Variants in TMTC2 observed in about 807,000 individuals in gnomAD.
TMTC2 encodes the protein protein O-mannosyl-transferase TMTC2.
In TMTC2, 43 loss-of-function variants were observed where a neutral mutation model predicts 82.4. The observed-to-expected ratio is 0.52, with a 90% CI of 0.41 to 0.67. TMTC2 has a LOEUF of 0.67. Ranked by LOEUF, TMTC2 falls within the 30% of genes least tolerant of loss-of-function variation. The pLI, the probability that TMTC2 is intolerant of heterozygous loss-of-function variation, is 0.00. For missense variants in TMTC2, 919 were observed against 1,012.4 expected, an observed-to-expected ratio of 0.91 and a Z score of 1.25; for synonymous variants, 408 against 381.9, an observed-to-expected ratio of 1.07 and a Z score of -0.80.
intron 1 of TMTC2, among the ~76,000 whole-genome samples, chr12:82,747,612 G>A (rs977631649): frequency 6.6e-6 from 1 of 152,176 alleles, no homozygotes; most frequent in Non-Finnish European, 1.5e-5. Flanking sequence ...GGAATTGAGT[G>A]CATTGCTTTG....
At chr12:82,940,631 G>T (rs1876667240) in intron 4 of TMTC2, among the ~76,000 whole-genome samples, 1 of 151,060 alleles carries the variant, frequency 6.6e-6, no homozygotes, top group Admixed American at 6.6e-5. Context: ...CTCTGGTGGG[G>T]CCTCTGCACA....
intron 1 of TMTC2, among the ~76,000 whole-genome samples, chr12:82,841,323 A>T (rs1179403969): frequency 6.6e-6 from 1 of 152,188 alleles, no homozygotes; most frequent in East Asian, 1.9e-4. Context: ...AAAGTACTAC[A>T]GTATATATTA....
rs187159469 is a variant in TMTC2, at chr12:82,915,118, C to T, written c.1484-15313C>T. Among the ~76,000 whole-genome samples the T allele has an allele frequency of 3.1e-3, 470 of 152,284 alleles. 3 individuals are homozygous for T. Among genetic ancestry groups the T allele is most frequent in the African/African-American group, 0.011 (448 of 41,566 alleles). ...GGGATTACAGGCATGAGCCACTGTG[C>T]TCGGCCTTACAATTCTTTTACAGAT... On this transcript the variant is annotated intron_variant, in intron 3 of 11. Transcript: ENST00000321196.
intron 11 of TMTC2, among the ~76,000 whole-genome samples, chr12:83,099,665 G>A (rs1300715232): frequency 6.6e-6 from 1 of 151,664 alleles, no homozygotes; most frequent in Non-Finnish European, 1.5e-5. Flanking sequence ...GATTCTCTAA[G>A]GCCTATTCTT....
At chr12:83,114,930 C>T (rs2137551247) in intron 11 of TMTC2, among the ~76,000 whole-genome samples, 1 of 151,690 alleles carries the variant, frequency 6.6e-6, no homozygotes, top group South Asian at 2.1e-4. Context: ...TATATCAGAT[C>T]CATTTGTGTA....
At chr12:82,859,559 G>A (rs905340744) in intron 2 of TMTC2, among the ~76,000 whole-genome samples, 1 of 152,140 alleles carries the variant, frequency 6.6e-6, no homozygotes, top group Admixed American at 6.5e-5. Flanking sequence ...CAATATTTGG[G>A]ACATACTTAT....
At chr12:82,811,027 C>T (rs939353919) in intron 1 of TMTC2, among the ~76,000 whole-genome samples, 4 of 151,994 alleles carry the variant, frequency 2.6e-5, no homozygotes, top group South Asian at 4.2e-4. Flanking sequence ...GTCAGGAGAT[C>T]GAGACCATCC....
At chr12:82,765,481 C>T (rs1010869571) in intron 1 of TMTC2, among the ~76,000 whole-genome samples, 3 of 152,028 alleles carry the variant, frequency 2.0e-5, no homozygotes, top group African/African-American at 7.3e-5. Context: ...TTGAGACCAG[C>T]CTGATCAACA....
chr12:82,828,318 A>G (rs1034244625), intron 1 of TMTC2, among the ~76,000 whole-genome samples: 2 of 150,566 alleles, frequency 1.3e-5, no homozygotes, highest in East Asian at 2.0e-4. Context: ...GGTTCAAGCA[A>G]TTATCCTGCC....
At chr12:82,828,803 C>G (rs148423132) in intron 1 of TMTC2, among the ~76,000 whole-genome samples, 206 of 152,032 alleles carry the variant, frequency 1.4e-3, no homozygotes, top group Non-Finnish European at 2.6e-3. Context: ...AAACCTATTT[C>G]AATATTAATG....
intron 1 of TMTC2, among the ~76,000 whole-genome samples, chr12:82,713,528 T>G (rs1873747047): frequency 6.6e-6 from 1 of 152,112 alleles, no homozygotes; most frequent in Non-Finnish European, 1.5e-5. Context: ...GAGGAACAAG[T>G]CACGTCTTAT....
intron 1 of TMTC2, among the ~76,000 whole-genome samples, chr12:82,752,609 T>C (rs1876077418): frequency 6.6e-6 from 1 of 152,018 alleles, no homozygotes; most frequent in Non-Finnish European, 1.5e-5. Context: ...TAAATTGGCT[T>C]AGAGACTTCA....
Position 82,721,238 on chromosome 12 carries a change from C to T in TMTC2, c.83+33569C>T, listed in dbSNP as rs377409600. ...AGAAGAGTATTTACTTGCATGTTGC[C>T]CATGCTGTCTGTCAGTGGCAGCTGC... is the stretch of plus-strand genomic sequence containing the variant. On this transcript the variant is annotated intron_variant, in intron 1 of 11. Coordinates refer to ENST00000321196, the MANE Select transcript of TMTC2 (RefSeq NM_152588.3). Among the ~76,000 whole-genome samples, 44 of 152,148 alleles carry T rather than the reference C, an allele frequency of 2.9e-4. 1 individual carries two copies. Among genetic ancestry groups the T allele is most frequent in the East Asian group, 2.7e-3 (14 of 5,168 alleles).
At chr12:82,950,439 A>T (rs942058032) in intron 4 of TMTC2, among the ~76,000 whole-genome samples, 1 of 152,200 alleles carries the variant, frequency 6.6e-6, no homozygotes, top group African/African-American at 2.4e-5. Context: ...GCATATATGA[A>T]TATACAATGT....
intron 7 of TMTC2, among the ~76,000 whole-genome samples, chr12:82,977,402 C>G (rs114242572): frequency 6.6e-6 from 1 of 151,308 alleles, no homozygotes; most frequent in South Asian, 2.1e-4. Flanking sequence ...GAAAACCAGA[C>G]CAATAGGACA....
At chr12:82,768,315 T>A (rs1292212574) in intron 1 of TMTC2, among the ~76,000 whole-genome samples, 2 of 152,236 alleles carry the variant, frequency 1.3e-5, no homozygotes, top group African/African-American at 4.8e-5. Flanking sequence ...AACACCTGGT[T>A]TGTGCAATAG....
At chr12:82,753,912 G>A (rs1276941025) in intron 1 of TMTC2, among the ~76,000 whole-genome samples, 1 of 152,208 alleles carries the variant, frequency 6.6e-6, no homozygotes, top group African/African-American at 2.4e-5. Context: ...TGGAGTTGGA[G>A]CTGTCATTGA....
At chr12:82,689,537 A>T (rs1169510198) in intron 1 of TMTC2, among the ~76,000 whole-genome samples, 1 of 152,232 alleles carries the variant, frequency 6.6e-6, no homozygotes, top group Non-Finnish European at 1.5e-5. Context: ...TTGCTGTCTA[A>T]TCCTTAAGAA....
At chr12:82,757,954 G>A (rs766351138) in intron 1 of TMTC2, among the ~76,000 whole-genome samples, 11 of 152,118 alleles carry the variant, frequency 7.2e-5, no homozygotes, top group African/African-American at 1.7e-4. Context: ...AAAGGATTAC[G>A]TGAGACTCTT....
Sources: gnomAD v4.1 joint callset for allele counts (sites outside exome capture counted in the v4.1 genomes callset) on GRCh38, gnomAD v4.1.1 for gene constraint, MANE v1.5 for transcripts, NCBI Gene and HGNC (gene_info 2026-07-23, HGNC 2026-07-21) for gene names.